LCOR: variants seen among roughly 807,000 people sequenced by gnomAD.
LCOR encodes the protein ligand dependent nuclear receptor corepressor, also known as ligand-dependent corepressor.
Under a neutral mutation model 64.4 loss-of-function variants are expected in LCOR, and 14 were observed. That is an observed-to-expected ratio of 0.22 (90% CI 0.14 to 0.34). The LOEUF is 0.34. Among genes scored for constraint, LCOR ranks in the 10% least tolerant of loss-of-function variants. The pLI is 1.00. For missense variants in LCOR, 1,686 were observed against 1,765.3 expected, an observed-to-expected ratio of 0.96 and a Z score of 0.80; for synonymous variants, 643 against 642.5, an observed-to-expected ratio of 1.00 and a Z score of -0.01.
intron 4 of LCOR, among the ~76,000 whole-genome samples, chr10:96,942,430 G>A (rs930531401): frequency 2.7e-4 from 40 of 150,234 alleles, no homozygotes; most frequent in Middle Eastern, 3.4e-3. Context: ...GAGGGAGACC[G>A]TGGAAGGAGA....
rs1418008312 is a variant in LCOR at position 96,853,208 on chromosome 10, T to A, written c.-330+19729T>A. ...CTGGGATTATGGGCACGTGCCACCATGCACAGCTAATTTTGTATTTTTAGT... is the reference window on the plus strand; with the variant it reads ...CTGGGATTATGGGCACGTGCCACCAAGCACAGCTAATTTTGTATTTTTAGT... On this transcript the variant is annotated intron_variant, in intron 2 of 7. Coordinates refer to ENST00000421806, the MANE Select transcript of LCOR (RefSeq NM_001346516.2). Among the ~76,000 whole-genome samples the A allele has an allele frequency of 2.6e-5, 4 of 152,052 alleles. No homozygotes were observed. The East Asian group carries it at 7.7e-4, about 29-fold the overall frequency.
chr10:96,923,221 G>T (rs576433875), intron 4 of LCOR, among the ~76,000 whole-genome samples: 1 of 152,296 alleles, frequency 6.6e-6, no homozygotes, highest in South Asian at 2.1e-4. Context: ...GTCAGTAGCA[G>T]ATATGGCTGT....
Position 96,989,306 on chromosome 10 carries a change from ACT to A in LCOR, c.*4175_*4176del, listed in dbSNP as rs1477957004. 6.6e-6 allele frequency: 1 copy of A among 152,026 alleles called. No homozygotes were observed. The highest frequency in any genetic ancestry group is 1.5e-5 in the Non-Finnish European group (1 of 68,016). 9.4% of individuals were successfully genotyped at this position (152,026 alleles called of 1,614,324 possible). The stretch of plus-strand genomic sequence containing the variant: ...CTCTCATTTCACTCACACAGAACTG[ACT>A]CTGGCTTTATTTCTTGTTTATTAAA... On this transcript the variant is annotated 3_prime_UTR_variant, in exon 8 of 8. Transcript: ENST00000421806.
Position 96,981,035 on chromosome 10 carries a change from C to T in LCOR, c.575C>T (p.Ala192Val). The T allele has an allele frequency of 4.3e-6, 3 of 703,046 alleles. No homozygotes were observed. Among genetic ancestry groups the T allele is most frequent in the Admixed American group, 4.0e-5 (2 of 50,022 alleles). 43.6% of individuals were successfully genotyped at this position (703,046 alleles called of 1,614,324 possible). ...QLSTKHKEKD[A>V]LCLDMKSSAS... ...AGCACCAAACATAAGGAAAAAGATGCTCTGTGTCTCGATATGAAGTCTTCT... is the reference window on the plus strand; with the variant it reads ...AGCACCAAACATAAGGAAAAAGATGTTCTGTGTCTCGATATGAAGTCTTCT... Residue 192 changes from alanine (A) to valine (V), a missense_variant, in exon 8 of 8, where the codon GCT becomes GTT. Physicochemically the swap from Ala to Val is moderately conservative, Grantham distance 64 (BLOSUM62 0). Transcript: ENST00000421806.
intron 2 of LCOR, among the ~76,000 whole-genome samples, chr10:96,877,106 A>G (rs776865233): frequency 1.3e-4 from 20 of 152,170 alleles, no homozygotes; most frequent in East Asian, 1.9e-4. Flanking sequence ...GAGGCATCCA[A>G]AGGACCCAGG....
intron 4 of LCOR, among the ~76,000 whole-genome samples, chr10:96,917,359 A>G (rs1331018391): frequency 6.6e-6 from 1 of 152,226 alleles, no homozygotes; most frequent in Non-Finnish European, 1.5e-5. Flanking sequence ...GGCAAAAGCA[A>G]TTAGACTTGT....
At chr10:96,932,556 C>T (rs530000327) in intron 4 of LCOR, among the ~76,000 whole-genome samples, 6 of 152,060 alleles carry the variant, frequency 3.9e-5, no homozygotes, top group Non-Finnish European at 7.3e-5. Context: ...CTCCGCCTCC[C>T]GGGTTCAAGC....
At chr10:96,841,362 CTTTTT>C (rs199853768) in intron 2 of LCOR, among the ~76,000 whole-genome samples, 16 of 134,814 alleles carry the variant, frequency 1.2e-4, no homozygotes, top group African/African-American at 3.7e-4. Flanking sequence ...AAAACTTACA[CTTTTT>C]TTTTTTTTTT....
chr10:96,926,567 T>C (rs931674517), intron 4 of LCOR, among the ~76,000 whole-genome samples: 18 of 152,168 alleles, frequency 1.2e-4, no homozygotes, highest in African/African-American at 4.3e-4. Flanking sequence ...GGCACTGAGA[T>C]AGTATTTATG....
chr10:96,942,449 A>G (rs1033420824), intron 4 of LCOR, among the ~76,000 whole-genome samples: 3 of 107,822 alleles, frequency 2.8e-5, no homozygotes, highest in Non-Finnish European at 5.4e-5. Context: ...GACCGTGGAG[A>G]GAGGGAGAGG....
At chr10:96,924,386 T>G (rs1847132030) in intron 4 of LCOR, among the ~76,000 whole-genome samples, 1 of 151,720 alleles carries the variant, frequency 6.6e-6, no homozygotes, top group Non-Finnish European at 1.5e-5. Flanking sequence ...TTTGTTTGTT[T>G]GTTTGTTTGT....
At chr10:96,954,665 CTT>C (rs1178093929) in intron 7 of LCOR, among the ~76,000 whole-genome samples, 1 of 152,030 alleles carries the variant, frequency 6.6e-6, no homozygotes, top group South Asian at 2.1e-4. Context: ...TTGCGCGAAA[CTT>C]TTTCTCCGAA....
At chr10:96,950,225 T>C (rs977550556) in intron 6 of LCOR, among the ~76,000 whole-genome samples, 2 of 152,172 alleles carry the variant, frequency 1.3e-5, no homozygotes, top group Middle Eastern at 3.2e-3. Context: ...TTTTGGAAAA[T>C]AAATTTAATT....
intron 2 of LCOR, among the ~76,000 whole-genome samples, chr10:96,842,208 A>C (rs1845553319): frequency 6.6e-6 from 1 of 152,122 alleles, no homozygotes; most frequent in Non-Finnish European, 1.5e-5. Context: ...GTCCTGGCCA[A>C]CATGGTGAAA....
intron 2 of LCOR, among the ~76,000 whole-genome samples, chr10:96,834,467 T>C (rs1013922620): frequency 6.6e-6 from 1 of 152,210 alleles, no homozygotes; most frequent in Non-Finnish European, 1.5e-5. Context: ...TTATTATGCA[T>C]GTACTAAAAT....
At position 96,925,401 on chromosome 10, in the gene LCOR, A is replaced by AT. The variant is rs578172537; in HGVS notation, c.-184+17660dup. Among the ~76,000 whole-genome samples, 218 of 152,202 alleles carry AT rather than the reference A, an allele frequency of 1.4e-3. 1 individual carries two copies. The highest frequency in any genetic ancestry group is 2.7e-3 in the Non-Finnish European group (182 of 68,006). On this transcript the variant is annotated intron_variant, in intron 4 of 7. Transcript: ENST00000421806. ...TTTATTTATTTTTAATGACAATGAC[A>AT]TTTTTTAATAGGATGGAACATTTAT...
At position 96,987,538 on chromosome 10, in the gene LCOR, G is replaced by A. The variant is rs903474080; in HGVS notation, c.*2404G>A. 6.6e-6 allele frequency: 1 copy of A among 152,202 alleles called. No individual in the cohort carries two copies. Among genetic ancestry groups the A allele is most frequent in the Non-Finnish European group, 1.5e-5 (1 of 68,038 alleles). 9.4% of individuals were successfully genotyped at this position (152,202 alleles called of 1,614,324 possible). A position where few individuals can be genotyped will look rare whatever the true frequency, so the allele number is the denominator to read the frequency against. ...CATTCTAGGCTGTGTGTGAGAAAAG[G>A]TGTTAATGTGTATGTATGTATTTTA... On this transcript the variant is annotated 3_prime_UTR_variant, in exon 8 of 8. Transcript: ENST00000421806.
chr10:96,834,162 G>T (rs1845399807), intron 2 of LCOR, among the ~76,000 whole-genome samples: 1 of 152,200 alleles, frequency 6.6e-6, no homozygotes, highest in Non-Finnish European at 1.5e-5. Context: ...TGTATAGCGT[G>T]AGTTTCGTTA....
chr10:96,982,163 C>G lies in LCOR; in HGVS notation c.1703C>G (p.Pro568Arg). The G allele has an allele frequency of 6.2e-7, 1 of 1,614,172 alleles. No homozygotes were observed. Among genetic ancestry groups the G allele is most frequent in the African/African-American group, 1.3e-5 (1 of 75,040 alleles). Residue 568 changes from proline (P) to arginine (R), a missense_variant, in exon 8 of 8, where the codon CCT becomes CGT. By Grantham distance (103) the Pro-to-Arg change is moderately radical. Transcript: ENST00000421806. ...QLPREDNPEE[P>R]SKEITSHEEG... is the part of the protein sequence containing the mutation. ...CCCAGAGAAGACAACCCTGAAGAAC[C>G]TAGCAAGGAAATCACCTCTCACGAG...
Sources: allele counts gnomAD v4.1 joint callset (sites outside exome capture counted in the v4.1 genomes callset), GRCh38; gene constraint gnomAD v4.1.1; transcripts MANE v1.5; gene names NCBI Gene and HGNC (gene_info 2026-07-23, HGNC 2026-07-21).